ZEB1: variants seen among roughly 807,000 people sequenced by gnomAD.
The protein encoded by ZEB1 is zinc finger E-box binding homeobox 1.
Under a neutral mutation model 84.9 loss-of-function variants are expected in ZEB1, and 21 were observed. That is an observed-to-expected ratio of 0.25 (90% CI 0.18 to 0.36). ZEB1 has a LOEUF of 0.36. Among genes scored for constraint, ZEB1 ranks in the 10% least tolerant of loss-of-function variants. The probability of loss-of-function intolerance (pLI) is 1.00; values close to 1 mark genes in which losing one functional copy is unlikely to be tolerated. For missense variants in ZEB1, 1,104 were observed against 1,330.2 expected (o/e 0.83, Z 2.65); for synonymous variants, 420 against 471.1 (o/e 0.89, Z 1.41).
Position 31,349,919 on chromosome 10 carries a change from T to C in ZEB1, c.58+30627T>C, listed in dbSNP as rs1590180301. On this transcript the variant is annotated intron_variant, in intron 1 of 8. Coordinates refer to ENST00000424869, the MANE Select transcript of ZEB1 (RefSeq NM_001174096.2). ...ATTTGCTGAGCAGAAATTTTTAGTT[T>C]GATGTAATCCTATTTGTCTATTTTT... 2.0e-5 allele frequency among the ~76,000 whole-genome samples: 3 copies of C among 152,340 alleles called. No individual in the cohort carries two copies. The South Asian group carries it at 6.2e-4, about 32-fold the overall frequency.
chr10:31,326,305 A>G (rs955069555), intron 1 of ZEB1, among the ~76,000 whole-genome samples: 6 of 152,246 alleles, frequency 3.9e-5, no homozygotes, highest in Admixed American at 2.0e-4. Context: ...TGTCAAAATC[A>G]CTGTATCTCT....
At chr10:31,487,341 G>A (rs1243859664) in intron 2 of ZEB1, among the ~76,000 whole-genome samples, 3 of 151,356 alleles carry the variant, frequency 2.0e-5, no homozygotes, top group Non-Finnish European at 3.0e-5. Flanking sequence ...AATTTGGAGA[G>A]AACTGACTTC....
intron 1 of ZEB1, among the ~76,000 whole-genome samples, chr10:31,322,363 G>T (rs1170516706): frequency 6.6e-6 from 1 of 152,182 alleles, no homozygotes; most frequent in Non-Finnish European, 1.5e-5. Flanking sequence ...AGAAATATGT[G>T]ATATATACAG....
At chr10:31,504,554 A>G (rs2068639825) in intron 4 of ZEB1, among the ~76,000 whole-genome samples, 1 of 152,114 alleles carries the variant, frequency 6.6e-6, no homozygotes, top group Non-Finnish European at 1.5e-5. Context: ...CAATATGATC[A>G]TTTTAATGAT....
At chr10:31,355,587 C>T (rs2133955231) in intron 1 of ZEB1, among the ~76,000 whole-genome samples, 1 of 152,094 alleles carries the variant, frequency 6.6e-6, no homozygotes, top group Middle Eastern at 3.4e-3. Flanking sequence ...TGAATGTGAA[C>T]TGAGGGTAGG....
At chr10:31,456,286 T>G (rs2061216075) in intron 1 of ZEB1, among the ~76,000 whole-genome samples, 1 of 152,056 alleles carries the variant, frequency 6.6e-6, no homozygotes, top group South Asian at 2.1e-4. Context: ...GAGAATAGCA[T>G]TAGAAGAAAT....
intron 1 of ZEB1, among the ~76,000 whole-genome samples, chr10:31,402,120 TG>T (rs2052154072): frequency 6.6e-6 from 1 of 151,868 alleles, no homozygotes; most frequent in South Asian, 2.1e-4. Context: ...CTGTTGTTGT[TG>T]TTGTTGTTGT....
At chr10:31,463,381 C>T (rs916316710) in intron 2 of ZEB1, among the ~76,000 whole-genome samples, 11 of 152,090 alleles carry the variant, frequency 7.2e-5, no homozygotes, top group African/African-American at 2.7e-4. Context: ...TAAGACACTA[C>T]CTTGTCAAAA....
intron 5 of ZEB1, 28 bp from the exon 6 acceptor site, chr10:31,514,575 A>G: frequency 6.3e-7 from 1 of 1,597,282 alleles, no homozygotes. Flanking sequence ...TTTGCTTTTC[A>G]AATAAAATAC....
chr10:31,437,871 TCTTC>T (rs1486242013), intron 1 of ZEB1, among the ~76,000 whole-genome samples: 1 of 152,248 alleles, frequency 6.6e-6, no homozygotes, highest in Non-Finnish European at 1.5e-5. Context: ...ATTCTTGTCC[TCTTC>T]CTTCATCTTA....
chr10:31,351,512 CT>C (rs1047556032), intron 1 of ZEB1, among the ~76,000 whole-genome samples: 2 of 151,896 alleles, frequency 1.3e-5, no homozygotes, highest in African/African-American at 4.8e-5. Flanking sequence ...TGTGGACTTC[CT>C]TTTTTTCCTA....
Position 31,529,776 on chromosome 10 carries a change from T to C in ZEB1, c.*2512T>C, listed in dbSNP as rs1834779934. 1 of 152,372 alleles carries C rather than the reference T, an allele frequency of 6.6e-6. No individual in the cohort carries two copies. Among genetic ancestry groups the C allele is most frequent in the Admixed American group, 6.5e-5 (1 of 15,306 alleles). 9.4% of individuals were successfully genotyped at this position (152,372 alleles called of 1,614,324 possible). On this transcript the variant is annotated 3_prime_UTR_variant, in exon 9 of 9. Coordinates refer to ENST00000424869, the MANE Select transcript of ZEB1 (RefSeq NM_001174096.2). ...AAGTCTTATTAAACACTAGTCATAATAGACACAATAAATTATGCCTTCTTT... is the reference window on the plus strand; with the variant it reads ...AAGTCTTATTAAACACTAGTCATAACAGACACAATAAATTATGCCTTCTTT...
intron 1 of ZEB1, chr10:31,372,981 G>GGT (rs1164582152): frequency 8.4e-5 from 83 of 984,712 alleles, no homozygotes; most frequent in Non-Finnish European, 9.8e-5. Flanking sequence ...TCAGTTGGTG[G>GGT]GTGTGGGAAC....
chr10:31,447,770 G>C (rs1261285002), intron 1 of ZEB1, among the ~76,000 whole-genome samples: 1 of 152,132 alleles, frequency 6.6e-6, no homozygotes, highest in South Asian at 2.1e-4. Context: ...TAGGGTTTCT[G>C]CCGAGAGATC....
chr10:31,319,103 A>T (rs2032909851), upstream of ZEB1: 2 of 666,200 alleles, frequency 3.0e-6, no homozygotes, highest in Non-Finnish European at 2.7e-6. Context: ...AAGGAAGGTG[A>T]TGTCGTAAAG....
intron 2 of ZEB1, among the ~76,000 whole-genome samples, chr10:31,475,303 AG>A (rs746996774): frequency 8.6e-5 from 13 of 152,010 alleles, no homozygotes; most frequent in Non-Finnish European, 1.9e-4. Context: ...GATTATGTAA[AG>A]CTACCAAAAC....
chr10:31,343,461 A>G (rs536458127), intron 1 of ZEB1, among the ~76,000 whole-genome samples: 2 of 152,042 alleles, frequency 1.3e-5, no homozygotes, highest in South Asian at 2.1e-4. Context: ...ATTATTTATC[A>G]TACACATTTA....
At chr10:31,517,605 A>T (rs1212756639) in intron 6 of ZEB1, among the ~76,000 whole-genome samples, 1 of 152,080 alleles carries the variant, frequency 6.6e-6, no homozygotes, top group African/African-American at 2.4e-5. Flanking sequence ...ACCTCCATAG[A>T]TAAATTAGTG....
At chr10:31,482,473 G>GAA (rs34292873) in intron 2 of ZEB1, among the ~76,000 whole-genome samples, 2 of 132,840 alleles carry the variant, frequency 1.5e-5, no homozygotes, top group Admixed American at 7.5e-5. Context: ...TCCTGGGCCA[G>GAA]AAAAAAAAAA....
Sources: gnomAD v4.1 joint callset for allele counts (sites outside exome capture counted in the v4.1 genomes callset) on GRCh38, gnomAD v4.1.1 for gene constraint, MANE v1.5 for transcripts, NCBI Gene and HGNC (gene_info 2026-07-23, HGNC 2026-07-21) for gene names.